The following MIDEAS variants were observed in gnomAD, a reference collection of about 807,000 sequenced individuals.
MIDEAS encodes the protein mitotic deacetylase associated SANT domain protein, also known as mitotic deacetylase-associated SANT domain protein.
Under a neutral mutation model 102.7 loss-of-function variants are expected in MIDEAS, and 26 were observed. The observed-to-expected ratio is 0.25, with a 90% confidence interval of 0.19 to 0.35. MIDEAS has a LOEUF of 0.35. MIDEAS is among the 10% of genes least tolerant of loss of function. The pLI is 1.00. For synonymous variants in MIDEAS, 585 were observed against 591.0 expected (o/e 0.99, Z 0.15); for missense variants, 1,231 against 1,435.6 (o/e 0.86, Z 2.30).
intron 1 of MIDEAS, among the ~76,000 whole-genome samples, chr14:73,777,444 G>A (rs982550305): frequency 6.6e-6 from 1 of 152,022 alleles, no homozygotes; most frequent in Non-Finnish European, 1.5e-5. Context: ...CCTAAGACCT[G>A]AGCTATGCCA....
chr14:73,771,555 G>A (rs1270314348), intron 1 of MIDEAS, among the ~76,000 whole-genome samples: 1 of 152,208 alleles, frequency 6.6e-6, no homozygotes, highest in Non-Finnish European at 1.5e-5. Context: ...CTACACACGA[G>A]GGGAGTGGTG....
intron 1 of MIDEAS, among the ~76,000 whole-genome samples, chr14:73,782,231 C>T (rs2053763769): frequency 6.6e-6 from 1 of 152,134 alleles, no homozygotes; most frequent in African/African-American, 2.4e-5. Context: ...AAGTCCAATG[C>T]TAGGGTTCAG....
At position 73,726,717 on chromosome 14, in the gene MIDEAS, C is replaced by T. The variant is rs746430105; in HGVS notation, c.2306-10G>A. 2 of 1,614,132 alleles carry T rather than the reference C, an allele frequency of 1.2e-6. No homozygotes were observed. Among genetic ancestry groups the T allele is most frequent in the South Asian group, 1.1e-5 (1 of 91,078 alleles). Reference sequence around the variant, plus strand: ...GTCAGCAGGTCTTCCACTGGATCCACAGGAGCATGAGGAGGGAGGGGAGGA... The same window carrying T: ...GTCAGCAGGTCTTCCACTGGATCCATAGGAGCATGAGGAGGGAGGGGAGGA... On this transcript the variant is annotated splice_polypyrimidine_tract_variant and intron_variant, in intron 6 of 12. Coordinates refer to ENST00000423556, the MANE Select transcript of MIDEAS (RefSeq NM_001367710.1).
chr14:73,788,129 A>G (rs1193682093), upstream of MIDEAS, among the ~76,000 whole-genome samples: 1 of 151,660 alleles, frequency 6.6e-6, no homozygotes, highest in Non-Finnish European at 1.5e-5. Context: ...AAGGCTGGAG[A>G]AAAAACGGGG....
chr14:73,748,153 G>C (rs1202707650), intron 1 of MIDEAS, among the ~76,000 whole-genome samples: 1 of 152,060 alleles, frequency 6.6e-6, no homozygotes, highest in African/African-American at 2.4e-5. Flanking sequence ...GAATAAAAAA[G>C]ACATAAGACA....
chr14:73,762,399 C>A (rs567837846), upstream of MIDEAS, among the ~76,000 whole-genome samples: 5 of 152,228 alleles, frequency 3.3e-5, no homozygotes, highest in Non-Finnish European at 5.9e-5. Context: ...CCTGAAGGAG[C>A]CTTGCTCACC....
In MIDEAS at chr14:73,721,332, C is replaced by T. The variant is rs753890164; in HGVS notation, c.2902G>A (p.Val968Ile). The change falls in exon 11 of 13, where the codon GTC (valine) becomes ATC (isoleucine). Residue 968 changes from valine to isoleucine, a missense_variant. This residue lies in a region of MIDEAS where 391 missense variants were observed against 483.0 expected (regional missense o/e 0.81). Coordinates refer to ENST00000423556, the MANE Select transcript of MIDEAS (RefSeq NM_001367710.1). ...GRERSRRAAA[V>I]KATQTLQANE... is the part of the protein sequence containing the mutation. ...GCCTGTAGTGTCTGCGTGGCTTTGA[C>T]TGCCGCTGCCCGCCTGCTGCGCTCT... 3.1e-6 allele frequency: 5 copies of T among 1,613,848 alleles called. No individual in the cohort carries two copies. The highest frequency in any genetic ancestry group is 1.7e-5 in the Admixed American group (1 of 60,020).
chr14:73,785,683 G>A (rs1328461682), intron 1 of MIDEAS, among the ~76,000 whole-genome samples: 1 of 152,186 alleles, frequency 6.6e-6, no homozygotes, highest in Non-Finnish European at 1.5e-5. Flanking sequence ...CGTTTAGAGA[G>A]GTTGATAGCC....
chr14:73,722,715 C>A lies in MIDEAS; in HGVS notation c.2707G>T (p.Val903Phe). 1 of 1,614,122 alleles carries A rather than the reference C, an allele frequency of 6.2e-7. No individual in the cohort carries two copies. Among genetic ancestry groups the A allele is most frequent in the South Asian group, 1.1e-5 (1 of 91,086 alleles). ...TSDEKSAQEEVEVDIKTSQKF... is the reference protein window; with the variant it reads ...TSDEKSAQEEFEVDIKTSQKF... ...GGAGTCACCTTAATATCCACTTCAA[C>A]CTCTTCCTGGGCCGACTTCTCATCG... Residue 903 changes from valine to phenylalanine, a missense_variant, in exon 10 of 13, where the codon GTT (valine) becomes TTT (phenylalanine). By Grantham distance (50) the Val-to-Phe change is conservative (BLOSUM62 -1). Around this residue, in one of 5 missense-constraint regions of MIDEAS, gnomAD observed 391 missense variants for 483.0 expected, o/e 0.81. Coordinates refer to ENST00000423556, the MANE Select transcript of MIDEAS (RefSeq NM_001367710.1).
chr14:73,772,045 C>T (rs2053646660), intron 1 of MIDEAS, among the ~76,000 whole-genome samples: 1 of 152,226 alleles, frequency 6.6e-6, no homozygotes, highest in Non-Finnish European at 1.5e-5. Flanking sequence ...GTGTGAAAAT[C>T]GTCTGGGGCC....
At chr14:73,731,953 G>A (rs1199073469) in intron 3 of MIDEAS, among the ~76,000 whole-genome samples, 1 of 152,252 alleles carries the variant, frequency 6.6e-6, no homozygotes, top group African/African-American at 2.4e-5. Context: ...AAAGCCTGGT[G>A]TAGTACAAGT....
In MIDEAS at chr14:73,742,372, T is replaced by G. The variant is rs1373258568; in HGVS notation, c.-247-2117A>C. On this transcript the variant is annotated intron_variant, in intron 1 of 12. Transcript: ENST00000423556. This position sits in a 1 kb window ranked among gnomAD's most constrained non-coding sequence, Gnocchi z 4.4. ...GTGGGCCTGGATGCACGTGCCAGTG[T>G]GAACCTGATGGAGGGGTGCGCCCCC... Among the ~76,000 whole-genome samples the G allele has an allele frequency of 1.4e-5, 2 of 145,698 alleles. No individual in the cohort carries two copies. The highest frequency in any genetic ancestry group is 3.9e-4 in the East Asian group (2 of 5,174).
At chr14:73,781,206 C>T (rs1318273900) in intron 1 of MIDEAS, among the ~76,000 whole-genome samples, 1 of 152,152 alleles carries the variant, frequency 6.6e-6, no homozygotes, top group African/African-American at 2.4e-5. Context: ...GGTTTCCTTC[C>T]AAGCTTTAAA....
At chr14:73,767,625 G>A (rs111258389) in intron 1 of MIDEAS, among the ~76,000 whole-genome samples, 7,557 of 152,036 alleles carry the variant, frequency 0.05, 603 homozygotes, top group African/African-American at 0.17. Context: ...GCAACAGAAG[G>A]AAACTCTGTC....
chr14:73,730,077 A>G (rs766229219), intron 3 of MIDEAS, 92 bp from the exon 4 acceptor site: 2 of 1,332,178 alleles, frequency 1.5e-6, no homozygotes, highest in Non-Finnish European at 2.1e-6. Context: ...CACCTTTGGA[A>G]CTTAGTCTGC....
At chr14:73,789,090 C>G (rs1189056254), upstream of MIDEAS, 1 of 152,118 alleles carries the variant, frequency 6.6e-6, no homozygotes, top group South Asian at 2.1e-4. Flanking sequence ...CTAAGATGCG[C>G]CCCCTGCCAA....
Position 73,722,806 on chromosome 14 carries a change from G to A in MIDEAS, c.2616C>T (p.Tyr872=). Residue 872 remains tyrosine, a synonymous_variant, in exon 10 of 13, where the codon TAC becomes TAT. Transcript: ENST00000423556. ...KTVAQCVEFY[Y]TYKKQVKIGR... ...CGATTTTCACCTGCTTCTTGTAGGT[G>A]TAGTAGAACTCCACGCACTGGGCCA... The A allele has an allele frequency of 5.6e-6, 9 of 1,614,228 alleles. No homozygotes were observed. The highest frequency in any genetic ancestry group is 7.6e-6 in the Non-Finnish European group (9 of 1,180,032).
At chr14:73,784,993 T>C (rs886687338) in intron 1 of MIDEAS, among the ~76,000 whole-genome samples, 2 of 152,202 alleles carry the variant, frequency 1.3e-5, no homozygotes, top group Non-Finnish European at 2.9e-5. Flanking sequence ...GAAGCTCAGA[T>C]ACTTGGCTGG....
chr14:73,726,191 C>T (rs2053058472), intron 7 of MIDEAS, 83 bp from the exon 8 acceptor site: 3 of 1,130,750 alleles, frequency 2.7e-6, no homozygotes, highest in East Asian at 2.6e-5. Context: ...GATAAAATCC[C>T]GAGTAGGGTG....
Sources: allele counts gnomAD v4.1 joint callset (sites outside exome capture counted in the v4.1 genomes callset), GRCh38; gene constraint gnomAD v4.1.1; regional missense constraint gnomAD v4.1.1; non-coding constraint Gnocchi (gnomAD v3.1); transcripts MANE v1.5; gene names NCBI Gene and HGNC (gene_info 2026-07-23, HGNC 2026-07-21).